The following PHF21B variants were observed in gnomAD, a reference collection of about 807,000 sequenced individuals.
PHF21B encodes the protein PHD finger protein 4.
Under a neutral mutation model 62.2 loss-of-function variants are expected in PHF21B, and 22 were observed. That is an observed-to-expected ratio of 0.35 (90% confidence interval 0.25 to 0.51). PHF21B has a LOEUF of 0.51. Among genes scored for constraint, PHF21B ranks in the 20% least tolerant of loss-of-function variants. The probability of loss-of-function intolerance (pLI) is 0.97; values close to 1 mark genes in which losing one functional copy is unlikely to be tolerated. For missense variants in PHF21B, 701 were observed against 707.9 expected (o/e 0.99, Z 0.11); for synonymous variants, 341 against 314.7 (o/e 1.08, Z -0.88).
chr22:44,897,025 C>T (rs771080020), intron 5 of PHF21B, among the ~76,000 whole-genome samples: 15 of 151,698 alleles, frequency 9.9e-5, no homozygotes, highest in Admixed American at 2.6e-4. Context: ...ACCACAGGTG[C>T]GCACCACCGT....
intron 2 of PHF21B, among the ~76,000 whole-genome samples, chr22:44,944,583 G>A (rs957183441): frequency 1.3e-5 from 2 of 152,216 alleles, no homozygotes; most frequent in Admixed American, 1.3e-4. Context: ...TAAGATGCCA[G>A]GCCAAGTCCA....
At chr22:44,956,342 A>G (rs972703563) in intron 2 of PHF21B, among the ~76,000 whole-genome samples, 2 of 152,190 alleles carry the variant, frequency 1.3e-5, no homozygotes, top group Admixed American at 6.5e-5. Flanking sequence ...CCCGAGAATC[A>G]GTACTTTCTT....
At chr22:45,001,756 G>C (rs146933935) in intron 2 of PHF21B, 6 of 152,336 alleles carry the variant, frequency 3.9e-5, no homozygotes, top group Non-Finnish European at 8.8e-5. Context: ...ACAATACCAC[G>C]TCAGGTGTGA....
chr22:44,976,636 G>C (rs888516102), intron 2 of PHF21B, among the ~76,000 whole-genome samples: 1 of 152,182 alleles, frequency 6.6e-6, no homozygotes, highest in Non-Finnish European at 1.5e-5. Flanking sequence ...CCTGTCCCTG[G>C]AGGTCCTTGT....
chr22:44,986,824 G>T (rs1029706242), intron 2 of PHF21B, among the ~76,000 whole-genome samples: 5 of 151,988 alleles, frequency 3.3e-5, no homozygotes, highest in African/African-American at 9.7e-5. Context: ...GGGTCCTGGA[G>T]CTGGGGAGAG....
chr22:44,929,733 T>C (rs2071703487), intron 2 of PHF21B, among the ~76,000 whole-genome samples: 1 of 152,242 alleles, frequency 6.6e-6, no homozygotes. Flanking sequence ...CCGGTGGCAC[T>C]GGCACTTGAG....
chr22:44,937,807 C>A (rs767762344), intron 2 of PHF21B, among the ~76,000 whole-genome samples: 1 of 152,228 alleles, frequency 6.6e-6, no homozygotes, highest in African/African-American at 2.4e-5. Flanking sequence ...CATAGCACTG[C>A]GTGGAACGAA....
At chr22:44,987,225 G>A (rs1210949835) in intron 2 of PHF21B, among the ~76,000 whole-genome samples, 20 of 152,182 alleles carry the variant, frequency 1.3e-4, no homozygotes, top group Non-Finnish European at 1.9e-4. Context: ...TGAATGAATA[G>A]TGGCAGAGGT....
chr22:44,889,623 A>G (rs2070924767), intron 9 of PHF21B, 137 bp downstream of exon 9: 3 of 1,071,982 alleles, frequency 2.8e-6, no homozygotes, highest in African/African-American at 1.7e-5. Flanking sequence ...CAAAGCTCTT[A>G]GCACCTAAAG....
chr22:44,998,584 C>T (rs756696493), intron 2 of PHF21B, among the ~76,000 whole-genome samples: 2 of 151,808 alleles, frequency 1.3e-5, no homozygotes, highest in Non-Finnish European at 2.9e-5. Flanking sequence ...CAGGCCAAGG[C>T]GGGGGACATG....
In PHF21B at chr22:44,984,501, C is replaced by A. The variant is rs116715796; in HGVS notation, c.120+24044G>T. 1.0e-2 allele frequency among the ~76,000 whole-genome samples: 1,518 copies of A among 152,300 alleles called. 21 individuals are homozygous for A. Among genetic ancestry groups the A allele is most frequent in the African/African-American group, 0.035 (1,451 of 41,568 alleles). ...TCCCCAGGTATGGGGAGGCACCAGGCTTCCGCAGGTGAACAGAGCTCGGGG... is the reference window on the plus strand; with the variant it reads ...TCCCCAGGTATGGGGAGGCACCAGGATTCCGCAGGTGAACAGAGCTCGGGG... On this transcript the variant is annotated intron_variant, in intron 2 of 12. Transcript: ENST00000313237.
chr22:45,007,061 A>C (rs2073327762), intron 2 of PHF21B, among the ~76,000 whole-genome samples: 1 of 151,076 alleles, frequency 6.6e-6, no homozygotes, highest in East Asian at 2.0e-4. Flanking sequence ...CTCCGGCGGG[A>C]ATGGAAGCTT....
chr22:44,956,318 G>A (rs1285064545), intron 2 of PHF21B, among the ~76,000 whole-genome samples: 2 of 152,176 alleles, frequency 1.3e-5, no homozygotes, highest in African/African-American at 4.8e-5. Flanking sequence ...TGAGGCAGAG[G>A]CCCGACCCAG....
In PHF21B at chr22:45,008,429, G is replaced by A. The variant is rs2073365763; in HGVS notation, c.120+116C>T. 7 of 960,390 alleles carry A rather than the reference G, an allele frequency of 7.3e-6. No individual in the cohort carries two copies. In the South Asian group the frequency reaches 1.6e-4, roughly 22 times the overall value. The allele number at this position is 960,390 out of a possible 1,614,324, so 59.5% of individuals were successfully genotyped here. A position where few individuals can be genotyped will look rare whatever the true frequency, so the allele number is the denominator to read the frequency against. ...TGGGGAACTTTGAGAACTGGAGACA[G>A]ACCCCTCTGGGAGTCTGAGCGTGCG... is the stretch of plus-strand genomic sequence containing the variant. On this transcript the variant is annotated intron_variant, in intron 2 of 12. Transcript: ENST00000313237.
At chr22:44,897,480 C>G (rs1488741608) in intron 5 of PHF21B, among the ~76,000 whole-genome samples, 1 of 152,174 alleles carries the variant, frequency 6.6e-6, no homozygotes. Flanking sequence ...CCTTGAGAGA[C>G]AGCCTGCCAG....
intron 5 of PHF21B, among the ~76,000 whole-genome samples, chr22:44,905,810 A>G (rs915328581): frequency 6.6e-6 from 1 of 152,110 alleles, no homozygotes. Context: ...TTGTATTTTG[A>G]GTAGAGACAG....
intron 2 of PHF21B, among the ~76,000 whole-genome samples, chr22:44,981,105 C>T (rs2072833970): frequency 6.6e-6 from 1 of 152,076 alleles, no homozygotes. Context: ...GTCTCTGGGA[C>T]CAAAGGCATA....
intron 2 of PHF21B, among the ~76,000 whole-genome samples, chr22:44,959,471 A>G (rs1285882240): frequency 6.6e-6 from 1 of 152,086 alleles, no homozygotes; most frequent in African/African-American, 2.4e-5. Flanking sequence ...GTTCTAGCCA[A>G]GTGCTCTCTC....
Position 45,008,526 on chromosome 22 carries a change from C to G in PHF21B, c.120+19G>C. On this transcript the variant is annotated intron_variant, in intron 2 of 12. Transcript: ENST00000313237. ...CCCTCCCGCCCCATCCCAGGGGGGGCCGCGATCCCATCGCTTACTTGTTTG... is the reference window on the plus strand; with the variant it reads ...CCCTCCCGCCCCATCCCAGGGGGGGGCGCGATCCCATCGCTTACTTGTTTG... 6.4e-7 allele frequency: 1 copy of G among 1,558,372 alleles called. No homozygotes were observed. The highest frequency in any genetic ancestry group is 8.7e-7 in the Non-Finnish European group (1 of 1,149,934).
Sources: gnomAD v4.1 joint callset for allele counts (sites outside exome capture counted in the v4.1 genomes callset) on GRCh38, gnomAD v4.1.1 for gene constraint, MANE v1.5 for transcripts, NCBI Gene and HGNC (gene_info 2026-07-23, HGNC 2026-07-21) for gene names.